PRKCE: variants seen among roughly 807,000 people sequenced by gnomAD.
The protein encoded by PRKCE is protein kinase C epsilon type.
A neutral mutation model predicts 85.4 loss-of-function variants in PRKCE; 16 were observed. The observed-to-expected ratio is 0.19, with a 90% CI of 0.13 to 0.28. The LOEUF is 0.28. Among genes scored for constraint, PRKCE ranks in the 10% least tolerant of loss-of-function variants. The pLI is 1.00. For synonymous variants in PRKCE, 388 were observed against 371.5 expected, an observed-to-expected ratio of 1.04 and a Z score of -0.51; for missense variants, 573 against 975.2, an observed-to-expected ratio of 0.59 and a Z score of 5.49.
intron 1 of PRKCE, among the ~76,000 whole-genome samples, chr2:45,783,431 G>T (rs1055098438): frequency 2.0e-5 from 3 of 152,210 alleles, no homozygotes; most frequent in Non-Finnish European, 2.9e-5. Flanking sequence ...AACAGGAAAA[G>T]CACCACTGGG....
At chr2:45,689,224 G>A (rs943195738) in intron 1 of PRKCE, among the ~76,000 whole-genome samples, 2 of 152,156 alleles carry the variant, frequency 1.3e-5, no homozygotes, top group African/African-American at 4.8e-5. Context: ...CACAGATTCC[G>A]AGTTGAAAGC....
intron 2 of PRKCE, among the ~76,000 whole-genome samples, chr2:45,879,119 T>C (rs1573720263): frequency 3.3e-5 from 5 of 152,258 alleles, no homozygotes; most frequent in African/African-American, 1.2e-4. Flanking sequence ...ACCCTGCCCC[T>C]GCATCCTACA....
intron 10 of PRKCE, among the ~76,000 whole-genome samples, chr2:46,058,614 A>G (rs945868767): frequency 2.6e-5 from 4 of 152,152 alleles, no homozygotes; most frequent in African/African-American, 9.7e-5. Flanking sequence ...GGAGTGTCGG[A>G]CTACTCACCA....
intron 11 of PRKCE, among the ~76,000 whole-genome samples, chr2:46,103,363 T>C (rs1206648141): frequency 1.3e-5 from 2 of 152,168 alleles, no homozygotes; most frequent in Non-Finnish European, 2.9e-5. Context: ...CTTCTTTTAT[T>C]GGAGAATGGA....
chr2:45,695,717 GCTGAGATCACGCCA>G (rs1678087318), intron 1 of PRKCE, among the ~76,000 whole-genome samples: 1 of 152,210 alleles, frequency 6.6e-6, no homozygotes, highest in Non-Finnish European at 1.5e-5. Context: ...GTTGCAGTGA[GCTGAGATCACGCCA>G]CTGAACTCCA....
chr2:45,878,203 C>T (rs1249924057), intron 2 of PRKCE, among the ~76,000 whole-genome samples: 1 of 152,238 alleles, frequency 6.6e-6, no homozygotes, highest in Non-Finnish European at 1.5e-5. Context: ...GTTTCGGTAA[C>T]ACCTTGTTTC....
At chr2:45,788,350 C>T (rs951523271) in intron 1 of PRKCE, among the ~76,000 whole-genome samples, 13 of 152,312 alleles carry the variant, frequency 8.5e-5, no homozygotes, top group East Asian at 3.9e-4. Context: ...TTAGGAGCAT[C>T]GGTAATGTTG....
At chr2:46,010,312 A>G (rs767258522) in intron 9 of PRKCE, 32 bp from the exon 10 acceptor site, 2 of 1,570,620 alleles carry the variant, frequency 1.3e-6, no homozygotes, top group Non-Finnish European at 1.7e-6. Flanking sequence ...CCATACATGC[A>G]TAGATTGATG....
At chr2:45,714,118 A>C (rs1225090308) in intron 1 of PRKCE, among the ~76,000 whole-genome samples, 1 of 152,236 alleles carries the variant, frequency 6.6e-6, no homozygotes, top group Non-Finnish European at 1.5e-5. Context: ...GTAGCCCCAA[A>C]CACTGTGCTA....
At chr2:45,980,889 T>C (rs906620059) in intron 5 of PRKCE, among the ~76,000 whole-genome samples, 1 of 152,208 alleles carries the variant, frequency 6.6e-6, no homozygotes, top group African/African-American at 2.4e-5. Flanking sequence ...CACTTTAACA[T>C]ATATTATTTA....
At chr2:46,055,631 T>G (rs1666505171) in intron 10 of PRKCE, among the ~76,000 whole-genome samples, 1 of 152,180 alleles carries the variant, frequency 6.6e-6, no homozygotes, top group South Asian at 2.1e-4. Flanking sequence ...CCATTCTCAG[T>G]CCTGGATCTG....
Position 45,895,244 on chromosome 2 carries a change from G to A in PRKCE, c.412+52181G>A, listed in dbSNP as rs1390852081. On this transcript the variant is annotated intron_variant, in intron 2 of 14. Transcript: ENST00000306156. This position sits in a 1 kb window ranked among gnomAD's most constrained non-coding sequence, Gnocchi z 4.8. The stretch of plus-strand genomic sequence containing the variant: ...CTCTCCATTTTATTTTCTCACTTCT[G>A]GCCACTGTCGGTTGTAGAGGTGCCC... Among the ~76,000 whole-genome samples, 1 of 152,116 alleles carries A rather than the reference G, an allele frequency of 6.6e-6. No homozygotes were observed. Among genetic ancestry groups the A allele is most frequent in the Non-Finnish European group, 1.5e-5 (1 of 68,010 alleles).
At chr2:46,127,047 G>C (rs184362364) in intron 11 of PRKCE, among the ~76,000 whole-genome samples, 1 of 152,134 alleles carries the variant, frequency 6.6e-6, no homozygotes, top group Non-Finnish European at 1.5e-5. Flanking sequence ...AGGAGTTCAG[G>C]GGCAAATGCA....
At chr2:46,133,047 C>T (rs1204379375) in intron 11 of PRKCE, among the ~76,000 whole-genome samples, 1 of 152,188 alleles carries the variant, frequency 6.6e-6, no homozygotes, top group Admixed American at 6.5e-5. Context: ...GCACGTGGCT[C>T]CTTATGTGGC....
intron 2 of PRKCE, among the ~76,000 whole-genome samples, chr2:45,973,625 C>A (rs934884993): frequency 6.6e-6 from 1 of 152,218 alleles, no homozygotes; most frequent in Non-Finnish European, 1.5e-5. Context: ...CACACCCCTG[C>A]CAACTTTAAA....
chr2:45,929,085 A>G (rs1201063711), intron 2 of PRKCE, among the ~76,000 whole-genome samples: 1 of 152,304 alleles, frequency 6.6e-6, no homozygotes, highest in East Asian at 1.9e-4. Flanking sequence ...CCCTCACTTC[A>G]TCTCGAGAGC....
intron 2 of PRKCE, among the ~76,000 whole-genome samples, chr2:45,896,720 T>C (rs759071360): frequency 1.3e-5 from 2 of 152,182 alleles, no homozygotes; most frequent in African/African-American, 2.4e-5. Context: ...TTGAATATGC[T>C]CTCCTGAGTA....
rs1320984144 is a variant in PRKCE at position 45,875,765 on chromosome 2, G to A, written c.412+32702G>A. Reference sequence around the variant, plus strand: ...ATGTCAACTAATCTTTCACCTAAAAGGGGCTCCAGCAGTGCTTGGGTGGTT... The same window carrying A: ...ATGTCAACTAATCTTTCACCTAAAAAGGGCTCCAGCAGTGCTTGGGTGGTT... On this transcript the variant is annotated intron_variant, in intron 2 of 14. Coordinates refer to ENST00000306156, the MANE Select transcript of PRKCE (RefSeq NM_005400.3). 2.0e-5 allele frequency among the ~76,000 whole-genome samples: 3 copies of A among 152,172 alleles called. No homozygotes were observed. The East Asian group carries it at 5.8e-4, about 29-fold the overall frequency.
intron 10 of PRKCE, among the ~76,000 whole-genome samples, chr2:46,056,109 A>G (rs1666559006): frequency 6.6e-6 from 1 of 152,218 alleles, no homozygotes; most frequent in Admixed American, 6.5e-5. Context: ...AAATGGAAGC[A>G]AGCTGTTTCG....
Sources: gnomAD v4.1 joint callset for allele counts (sites outside exome capture counted in the v4.1 genomes callset) on GRCh38, gnomAD v4.1.1 for gene constraint, Gnocchi (gnomAD v3.1) non-coding constraint, MANE v1.5 for transcripts, NCBI Gene and HGNC (gene_info 2026-07-23, HGNC 2026-07-21) for gene names.